Variants in PALM2AKAP2 observed in about 807,000 individuals in gnomAD.
PALM2AKAP2 encodes PALM2-AKAP2 fusion protein.
A neutral mutation model predicts 71.5 loss-of-function variants in PALM2AKAP2; 37 were observed. The ratio of observed to expected loss-of-function variants is 0.52; its 90% confidence interval spans 0.40 to 0.68. The LOEUF (loss-of-function observed/expected upper bound fraction) is 0.68, where lower values mean the gene tolerates loss of function less well. PALM2AKAP2 is among the 30% of genes least tolerant of loss of function. The pLI is 0.00. For synonymous variants in PALM2AKAP2, 468 were observed against 478.8 expected (o/e 0.98, Z 0.29); for missense variants, 1,224 against 1,191.8 (o/e 1.03, Z -0.40).
At chr9:110,032,583 C>T (rs944838519) in intron 7 of PALM2AKAP2, among the ~76,000 whole-genome samples, 3 of 151,126 alleles carry the variant, frequency 2.0e-5, no homozygotes, top group Admixed American at 6.6e-5. Context: ...CCCAGCCACT[C>T]GGGAGGCTGA....
At chr9:110,041,041 T>C (rs947352163) in intron 7 of PALM2AKAP2, among the ~76,000 whole-genome samples, 2 of 152,208 alleles carry the variant, frequency 1.3e-5, no homozygotes, top group South Asian at 2.1e-4. Context: ...ACCAAAGAAC[T>C]TGGACCTCAT....
At chr9:110,144,877 C>T (rs915742615) in intron 2 of PALM2AKAP2, among the ~76,000 whole-genome samples, 2 of 152,050 alleles carry the variant, frequency 1.3e-5, no homozygotes, top group Non-Finnish European at 2.9e-5. Flanking sequence ...CTACTAGAGC[C>T]CAGAGAGATT....
upstream of PALM2AKAP2, among the ~76,000 whole-genome samples, chr9:109,777,045 A>G (rs76968252): frequency 0.014 from 2,199 of 152,292 alleles, 64 homozygotes; most frequent in African/African-American, 0.05. Context: ...CAGATTTCTG[A>G]TTAGGAACCA....
intron 3 of PALM2AKAP2, 130 bp downstream of exon 9, chr9:110,156,627 A>G: frequency 7.8e-7 from 1 of 1,277,782 alleles, no homozygotes; most frequent in Non-Finnish European, 1.0e-6. Flanking sequence ...ATCAGTTTTC[A>G]TATATGTGGT....
At chr9:109,641,986 G>A (rs1827076177) in intron 1 of PALM2AKAP2, among the ~76,000 whole-genome samples, 2 of 152,178 alleles carry the variant, frequency 1.3e-5, no homozygotes, top group Admixed American at 1.3e-4. Context: ...GCCTGATACT[G>A]CTGTTATTGA....
chr9:109,651,635 C>G (rs893070534), intron 1 of PALM2AKAP2, among the ~76,000 whole-genome samples: 61 of 152,154 alleles, frequency 4.0e-4, no homozygotes, highest in African/African-American at 1.4e-3. Context: ...TTCATACATT[C>G]TGGTCATTGG....
intron 1 of PALM2AKAP2, among the ~76,000 whole-genome samples, chr9:109,827,344 G>A (rs1004829807): frequency 3.9e-5 from 6 of 152,158 alleles, no homozygotes; most frequent in Admixed American, 2.6e-4. Flanking sequence ...GGCCAGACGC[G>A]GTGGCTCATG....
chr9:109,865,096 C>T (rs1587970271), intron 1 of PALM2AKAP2, among the ~76,000 whole-genome samples: 3 of 75,648 alleles, frequency 4.0e-5, no homozygotes, highest in Admixed American at 2.1e-4. Flanking sequence ...CTACTCATTC[C>T]TTTTTTTTTT....
intron 1 of PALM2AKAP2, among the ~76,000 whole-genome samples, chr9:109,660,695 C>A (rs1188855829): frequency 6.6e-6 from 1 of 152,092 alleles, no homozygotes; most frequent in African/African-American, 2.4e-5. Context: ...GATTTATGAT[C>A]CTTGTCAAAT....
intron 6 of PALM2AKAP2, among the ~76,000 whole-genome samples, chr9:109,942,142 A>G (rs1180108657): frequency 6.6e-6 from 1 of 152,216 alleles, no homozygotes; most frequent in East Asian, 1.9e-4. Context: ...CATAATATGA[A>G]TGCTCCCATG....
At chr9:109,958,137 A>G (rs1294890614) in intron 6 of PALM2AKAP2, among the ~76,000 whole-genome samples, 1 of 147,888 alleles carries the variant, frequency 6.8e-6, no homozygotes, top group East Asian at 2.0e-4. Flanking sequence ...TATTTGAGGC[A>G]GTTGATTGAA....
intron 6 of PALM2AKAP2, among the ~76,000 whole-genome samples, chr9:109,933,795 A>G (rs1439554152): frequency 6.6e-6 from 1 of 152,144 alleles, no homozygotes; most frequent in Non-Finnish European, 1.5e-5. Flanking sequence ...ATTACATATA[A>G]GCAGAGCTAT....
At chr9:109,944,418 T>C (rs1489085418) in intron 6 of PALM2AKAP2, 3 of 152,154 alleles carry the variant, frequency 2.0e-5, no homozygotes, top group Non-Finnish European at 4.4e-5. Context: ...ATGCTCCCAC[T>C]TCATCATGGA....
intron 1 of PALM2AKAP2, among the ~76,000 whole-genome samples, chr9:109,666,832 A>T (rs926816163): frequency 6.6e-6 from 1 of 152,252 alleles, no homozygotes; most frequent in African/African-American, 2.4e-5. Context: ...CATAAGAGCC[A>T]GCCCACCAAA....
intron 3 of PALM2AKAP2, among the ~76,000 whole-genome samples, chr9:109,901,820 A>C (rs1047301184): frequency 6.6e-6 from 1 of 152,226 alleles, no homozygotes; most frequent in Non-Finnish European, 1.5e-5. Flanking sequence ...CTACCAATAG[A>C]GGATGGATGA....
At chr9:109,758,518 A>G (rs1324945617) in intron 1 of PALM2AKAP2, among the ~76,000 whole-genome samples, 2 of 119,596 alleles carry the variant, frequency 1.7e-5, no homozygotes, top group Non-Finnish European at 3.4e-5. Context: ...AATGCATACA[A>G]GAGAGTGCAG....
At chr9:110,101,983 A>G (rs751797289) in intron 1 of PALM2AKAP2, among the ~76,000 whole-genome samples, 14 of 152,220 alleles carry the variant, frequency 9.2e-5, no homozygotes, top group Non-Finnish European at 1.6e-4. Flanking sequence ...TGCACTGTGC[A>G]TGTTGCATAT....
chr9:109,984,782 G>C (rs946917081), intron 6 of PALM2AKAP2, among the ~76,000 whole-genome samples: 1 of 151,528 alleles, frequency 6.6e-6, no homozygotes, highest in African/African-American at 2.4e-5. Context: ...GAGGTGGGAG[G>C]ATCACTTGAC....
At chr9:110,109,830 TTC>T (rs1835205973) in intron 1 of PALM2AKAP2, among the ~76,000 whole-genome samples, 2 of 151,930 alleles carry the variant, frequency 1.3e-5, no homozygotes, top group African/African-American at 4.8e-5. Context: ...AAAAAAAAAG[TTC>T]AGTCTCAAAA....
Sources: gnomAD v4.1 joint callset for allele counts (sites outside exome capture counted in the v4.1 genomes callset) on GRCh38, gnomAD v4.1.1 for gene constraint, MANE v1.5 for transcripts, NCBI Gene and HGNC (gene_info 2026-07-23, HGNC 2026-07-21) for gene names.